Variants in PTPRN2 observed in about 807,000 individuals in gnomAD.
The protein encoded by PTPRN2 is protein tyrosine phosphatase receptor type N2, also known as receptor-type tyrosine-protein phosphatase N2.
In PTPRN2, 74 loss-of-function variants were observed where a neutral mutation model predicts 118.8. The ratio of observed to expected loss-of-function variants is 0.62; its 90% CI spans 0.52 to 0.76. PTPRN2 has a LOEUF of 0.76. Ranked by LOEUF, PTPRN2 falls within the 30% of genes least tolerant of loss-of-function variation. The pLI is 0.00. For synonymous variants in PTPRN2, 641 were observed against 608.0 expected, an observed-to-expected ratio of 1.05 and a Z score of -0.80; for missense variants, 1,481 against 1,394.4, an observed-to-expected ratio of 1.06 and a Z score of -0.99.
chr7:158,131,936 CAT>C (rs1818352111), intron 9 of PTPRN2, among the ~76,000 whole-genome samples: 1 of 151,904 alleles, frequency 6.6e-6, no homozygotes. Context: ...ACCCGACACA[CAT>C]ACACACACAT....
chr7:157,710,270 C>T (rs997033927), intron 12 of PTPRN2, among the ~76,000 whole-genome samples: 7 of 152,198 alleles, frequency 4.6e-5, no homozygotes, highest in African/African-American at 1.4e-4. Flanking sequence ...CATTTCTCAG[C>T]ACACGGACTT....
At chr7:158,582,310 A>G (rs1356156945) in intron 1 of PTPRN2, among the ~76,000 whole-genome samples, 2 of 152,234 alleles carry the variant, frequency 1.3e-5, no homozygotes, top group African/African-American at 4.8e-5. Flanking sequence ...ATGTCAGGAA[A>G]GATAAGAGAG....
chr7:157,553,294 G>A (rs1798721417), intron 21 of PTPRN2, among the ~76,000 whole-genome samples: 1 of 152,188 alleles, frequency 6.6e-6, no homozygotes, highest in Non-Finnish European at 1.5e-5. Flanking sequence ...AGGGCTGTGT[G>A]TATGATGGTG....
At position 158,003,765 on chromosome 7, in the gene PTPRN2, A is replaced by C. The variant is rs1805455208; in HGVS notation, c.1723+77533T>G. Among the ~76,000 whole-genome samples, 1 of 152,088 alleles carries C rather than the reference A, an allele frequency of 6.6e-6. No individual in the cohort carries two copies. The highest frequency in any genetic ancestry group is 1.5e-5 in the Non-Finnish European group (1 of 68,022). Reference sequence around the variant, plus strand: ...GTTTCTTGGTGGTGGCGAGCTTCTCACATGGGCTTGGCGGCACCTCCCAAC... The same window carrying C: ...GTTTCTTGGTGGTGGCGAGCTTCTCCCATGGGCTTGGCGGCACCTCCCAAC... On this transcript the variant is annotated intron_variant, in intron 11 of 22. Transcript: ENST00000389418. The surrounding 1 kb of genome is among the most constrained non-coding windows in gnomAD (Gnocchi z 5.0).
rs1460031676 is a variant in PTPRN2, at chr7:157,682,741, G to T, written c.1985C>A (p.Ala662Asp). The stretch of plus-strand genomic sequence containing the variant: ...TCCTCTTACCTGGTAGGCGGCAGTG[G>T]CATCTGCACCTGGGTCGCCCCCTAG... ...SGLGGDPGAD[A>D]TAAYQELCRQ... The change falls in exon 13 of 23, where the codon GCC becomes GAC. Residue 662 changes from alanine to aspartate, a missense_variant. Around this residue, in one of 3 missense-constraint regions of PTPRN2, gnomAD observed 1,115 missense variants for 994.2 expected, o/e 1.12. Coordinates refer to ENST00000389418, the MANE Select transcript of PTPRN2 (RefSeq NM_002847.5). 6.2e-7 allele frequency: 1 copy of T among 1,613,672 alleles called. No individual in the cohort carries two copies. The highest frequency in any genetic ancestry group is 1.1e-5 in the South Asian group (1 of 91,086).
intron 21 of PTPRN2, among the ~76,000 whole-genome samples, chr7:157,552,490 G>C (rs1007550269): frequency 2.0e-5 from 3 of 152,204 alleles, no homozygotes; most frequent in South Asian, 4.1e-4. Context: ...TGGACCACGT[G>C]GGGAGGGGAT....
chr7:158,181,240 T>G (rs1824679210), intron 5 of PTPRN2, among the ~76,000 whole-genome samples: 1 of 152,186 alleles, frequency 6.6e-6, no homozygotes, highest in Non-Finnish European at 1.5e-5. Flanking sequence ...CGTATCACAT[T>G]TACTGACTTG....
chr7:158,037,004 G>C (rs896356691), intron 11 of PTPRN2, among the ~76,000 whole-genome samples: 6 of 152,054 alleles, frequency 3.9e-5, no homozygotes, highest in Non-Finnish European at 7.4e-5. Context: ...TGCCAATCAA[G>C]CAATTATAAC....
At chr7:157,928,479 C>T (rs1433980531) in intron 11 of PTPRN2, among the ~76,000 whole-genome samples, 1 of 152,106 alleles carries the variant, frequency 6.6e-6, no homozygotes, top group Non-Finnish European at 1.5e-5. Context: ...ACCTGCTATT[C>T]AGGAAAGCCT....
intron 1 of PTPRN2, among the ~76,000 whole-genome samples, chr7:158,538,338 G>C (rs1825772329): frequency 6.6e-6 from 1 of 152,234 alleles, no homozygotes; most frequent in South Asian, 2.1e-4. Flanking sequence ...ACTAACCCCA[G>C]TGGTTCTCCT....
intron 5 of PTPRN2, among the ~76,000 whole-genome samples, chr7:158,186,175 C>T (rs1825113953): frequency 6.6e-6 from 1 of 152,246 alleles, no homozygotes; most frequent in Non-Finnish European, 1.5e-5. Context: ...TCCCCACTTC[C>T]TGTGACTGGC....
intron 1 of PTPRN2, among the ~76,000 whole-genome samples, chr7:158,552,828 G>A (rs1826749363): frequency 6.6e-6 from 1 of 152,208 alleles, no homozygotes; most frequent in Admixed American, 6.5e-5. Context: ...CTTGACATGT[G>A]CATCCAAGGG....
chr7:158,262,098 G>T (rs1563053150), intron 3 of PTPRN2, among the ~76,000 whole-genome samples: 1 of 152,282 alleles, frequency 6.6e-6, no homozygotes, highest in East Asian at 1.9e-4. Flanking sequence ...CCTACGTCCA[G>T]CAGGGGATGT....
rs533901174 is a variant in PTPRN2, at chr7:157,719,326, C to T, written c.1789-36389G>A. On this transcript the variant is annotated intron_variant, in intron 12 of 22. Coordinates refer to ENST00000389418, the MANE Select transcript of PTPRN2 (RefSeq NM_002847.5). ...CATTAAAGGGGGAGCGGAGATCGTG[C>T]TTCCCAAGGGACCCTGAGGCCTTCT... is the stretch of plus-strand genomic sequence containing the variant. Among the ~76,000 whole-genome samples, 13 of 152,364 alleles carry T rather than the reference C, an allele frequency of 8.5e-5. No individual in the cohort carries two copies. In the South Asian group the frequency reaches 2.5e-3, roughly 29 times the overall value.
intron 6 of PTPRN2, among the ~76,000 whole-genome samples, chr7:158,162,857 G>A (rs1405022679): frequency 6.6e-6 from 1 of 152,126 alleles, no homozygotes; most frequent in Non-Finnish European, 1.5e-5. Flanking sequence ...GGTACGCGTG[G>A]GTCTTCTCTC....
chr7:157,817,958 T>C lies in PTPRN2; in HGVS notation c.1788+80715A>G, dbSNP rs568274703. On this transcript the variant is annotated intron_variant, in intron 12 of 22. Transcript: ENST00000389418. The stretch of plus-strand genomic sequence containing the variant: ...ATGGTGTATATGTGTGTTATGTGCA[T>C]GGTGTGTGCCTGTTTGTACATGTGT... Among the ~76,000 whole-genome samples the C allele has an allele frequency of 5.9e-5, 9 of 152,122 alleles. 1 individual carries two copies. The East Asian group carries it at 1.7e-3, about 29-fold the overall frequency.
In PTPRN2 at chr7:157,610,030, C is replaced by T. The variant is rs910198685; in HGVS notation, c.2345-5955G>A. Among the ~76,000 whole-genome samples, 3 of 152,190 alleles carry T rather than the reference C, an allele frequency of 2.0e-5. No individual in the cohort carries two copies. The highest frequency in any genetic ancestry group is 2.0e-4 in the Admixed American group (3 of 15,286). On this transcript the variant is annotated intron_variant, in intron 15 of 22. Transcript: ENST00000389418. This position sits in a 1 kb window ranked among gnomAD's most constrained non-coding sequence, Gnocchi z 5.1. Reference sequence around the variant, plus strand: ...GAAAGCGTGTGGAAGACTCCTCTGCCCGGAACATCGTCTTGCTACACAGAT... The same window carrying T: ...GAAAGCGTGTGGAAGACTCCTCTGCTCGGAACATCGTCTTGCTACACAGAT...
intron 12 of PTPRN2, among the ~76,000 whole-genome samples, chr7:157,708,986 G>A (rs1263182111): frequency 2.6e-5 from 4 of 152,192 alleles, no homozygotes; most frequent in Non-Finnish European, 4.4e-5. Context: ...CCTGGGAACC[G>A]ACACTCCTGC....
intron 2 of PTPRN2, among the ~76,000 whole-genome samples, chr7:158,353,374 C>G (rs1056564604): frequency 3.3e-5 from 5 of 152,224 alleles, no homozygotes; most frequent in Non-Finnish European, 5.9e-5. Flanking sequence ...TGGACATTCA[C>G]TTGCTAAGCA....
Sources: allele counts gnomAD v4.1 joint callset (sites outside exome capture counted in the v4.1 genomes callset), GRCh38; gene constraint gnomAD v4.1.1; regional missense constraint gnomAD v4.1.1; non-coding constraint Gnocchi (gnomAD v3.1); transcripts MANE v1.5; gene names NCBI Gene and HGNC (gene_info 2026-07-23, HGNC 2026-07-21).